The following PLCB4 variants were observed in gnomAD, a reference collection of about 807,000 sequenced individuals.
PLCB4 encodes the protein 1-phosphatidylinositol 4,5-bisphosphate phosphodiesterase beta-4.
Under a neutral mutation model 178.8 loss-of-function variants are expected in PLCB4, and 77 were observed. The observed-to-expected ratio is 0.43, with a 90% confidence interval of 0.36 to 0.52. The LOEUF (loss-of-function observed/expected upper bound fraction) is 0.52. PLCB4 is among the 20% of genes least tolerant of loss of function. The pLI, the probability that PLCB4 is intolerant of heterozygous loss-of-function variation, is 0.00. For missense variants in PLCB4, 1,024 were observed against 1,453.4 expected (o/e 0.70, Z 4.80); for synonymous variants, 496 against 490.8 (o/e 1.01, Z -0.14).
chr20:9,217,015 A>G (rs1239563012), intron 2 of PLCB4, among the ~76,000 whole-genome samples: 1 of 152,246 alleles, frequency 6.6e-6, no homozygotes, highest in Non-Finnish European at 1.5e-5. Context: ...AGTTTTTTCC[A>G]ATTACAGTTC....
chr20:9,441,892 A>G (rs1220855812), intron 30 of PLCB4, among the ~76,000 whole-genome samples: 1 of 148,916 alleles, frequency 6.7e-6, no homozygotes, highest in Non-Finnish European at 1.5e-5. Context: ...CCAAACAGCA[A>G]CAACTGCACC....
At chr20:9,132,732 ATTGCTT>A (rs1332450649) in intron 2 of PLCB4, among the ~76,000 whole-genome samples, 1 of 152,064 alleles carries the variant, frequency 6.6e-6, no homozygotes, top group Non-Finnish European at 1.5e-5. Flanking sequence ...TTGCAATCAG[ATTGCTT>A]TTTCTAAACG....
At chr20:9,335,124 G>A (rs1248441963) in intron 4 of PLCB4, among the ~76,000 whole-genome samples, 1 of 152,068 alleles carries the variant, frequency 6.6e-6, no homozygotes, top group Non-Finnish European at 1.5e-5. Flanking sequence ...TGTACACTGT[G>A]TACCAAAATT....
At chr20:9,108,609 T>C (rs1294439518) in intron 2 of PLCB4, among the ~76,000 whole-genome samples, 1 of 151,780 alleles carries the variant, frequency 6.6e-6, no homozygotes, top group Non-Finnish European at 1.5e-5. Context: ...TACTAATTAT[T>C]ATTAAGAATT....
At chr20:9,179,148 G>A (rs1363991448) in intron 2 of PLCB4, among the ~76,000 whole-genome samples, 1 of 152,160 alleles carries the variant, frequency 6.6e-6, no homozygotes, top group Non-Finnish European at 1.5e-5. Context: ...TATCACTGAA[G>A]GATTTTGAAT....
rs560862644 is a variant in PLCB4, at chr20:9,252,297, A to G, written c.-16+34845A>G. Among the ~76,000 whole-genome samples the G allele has an allele frequency of 2.1e-4, 32 of 152,388 alleles. 1 individual carries two copies. Among genetic ancestry groups the G allele is most frequent in the South Asian group, 1.0e-3 (5 of 4,826 alleles). ...CTACTCAAAGTGTGGTCCAAGGACCAGCAATGTCAGCATCATCTGCGAGCT... is the reference window on the plus strand; with the variant it reads ...CTACTCAAAGTGTGGTCCAAGGACCGGCAATGTCAGCATCATCTGCGAGCT... On this transcript the variant is annotated intron_variant, in intron 3 of 39. Coordinates refer to ENST00000378473, the MANE Select transcript of PLCB4 (RefSeq NM_001377142.1).
intron 25 of PLCB4, among the ~76,000 whole-genome samples, chr20:9,413,812 G>A (rs2148527401): frequency 6.6e-6 from 1 of 152,282 alleles, no homozygotes; most frequent in East Asian, 1.9e-4. Flanking sequence ...CCAGGCTCAA[G>A]TGCAGTGGTG....
chr20:9,299,396 A>G (rs530824221), intron 3 of PLCB4, among the ~76,000 whole-genome samples: 4 of 152,198 alleles, frequency 2.6e-5, no homozygotes, highest in East Asian at 1.9e-4. Context: ...TACATCAGCT[A>G]GCTGTAACTA....
intron 14 of PLCB4, 113 bp from the exon 15 acceptor site, chr20:9,387,350 T>G: frequency 3.4e-6 from 2 of 581,998 alleles, no homozygotes; most frequent in Non-Finnish European, 6.1e-6. Context: ...TTACTTAATT[T>G]ATTCAATTTT....
chr20:9,151,787 G>A (rs2092696533), intron 2 of PLCB4, among the ~76,000 whole-genome samples: 3 of 152,180 alleles, frequency 2.0e-5, no homozygotes, highest in African/African-American at 7.2e-5. Context: ...TGGGTAACAG[G>A]CAGAGATTGG....
At chr20:9,407,016 C>T (rs2039490882) in intron 21 of PLCB4, among the ~76,000 whole-genome samples, 1 of 151,976 alleles carries the variant, frequency 6.6e-6, no homozygotes, top group Non-Finnish European at 1.5e-5. Flanking sequence ...TTCAATATGT[C>T]CTATGCAGCA....
intron 2 of PLCB4, among the ~76,000 whole-genome samples, chr20:9,132,686 G>A (rs947839130): frequency 6.6e-5 from 10 of 152,070 alleles, no homozygotes; most frequent in East Asian, 3.9e-4. Context: ...TGGATTTATC[G>A]TTTGCGATGC....
chr20:9,159,315 A>G (rs888371841), intron 2 of PLCB4, among the ~76,000 whole-genome samples: 5 of 152,208 alleles, frequency 3.3e-5, no homozygotes, highest in African/African-American at 1.2e-4. Context: ...TTTCTCAAGT[A>G]CATGTTGGAG....
rs778730272 is a variant in PLCB4 at position 9,419,855 on chromosome 20, C to G, written c.2100C>G (p.Asp700Glu). Reference protein sequence around the residue: ...DFMRRPDRTFDPFSETPVDGV... With the variant: ...DFMRRPDRTFEPFSETPVDGV... ...TGAGGCGGCCTGATCGAACATTTGA[C>G]CCCTTCTCTGAAACTCCTGTTGATG... Residue 700 changes from aspartate to glutamate, a missense_variant, in exon 26 of 40, where the codon GAC becomes GAG. Coordinates refer to ENST00000378473, the MANE Select transcript of PLCB4 (RefSeq NM_001377142.1). The G allele has an allele frequency of 1.5e-5, 24 of 1,614,098 alleles. No homozygotes were observed. The highest frequency in any genetic ancestry group is 2.0e-5 in the Non-Finnish European group (24 of 1,179,944).
At chr20:9,124,022 T>C (rs981075481) in intron 2 of PLCB4, among the ~76,000 whole-genome samples, 5 of 152,106 alleles carry the variant, frequency 3.3e-5, no homozygotes, top group African/African-American at 1.2e-4. Flanking sequence ...TATGCTGAAT[T>C]TTGAATTTCA....
intron 3 of PLCB4, among the ~76,000 whole-genome samples, chr20:9,272,256 A>G (rs540226686): frequency 6.6e-6 from 1 of 152,246 alleles, no homozygotes; most frequent in Non-Finnish European, 1.5e-5. Flanking sequence ...ATTTCTTAAT[A>G]CAGAACTTTG....
At chr20:9,428,756 A>G (rs540713709) in intron 28 of PLCB4, among the ~76,000 whole-genome samples, 1 of 151,804 alleles carries the variant, frequency 6.6e-6, no homozygotes, top group East Asian at 2.0e-4. Context: ...AGGAGTGAGC[A>G]CATAGGGGTG....
chr20:9,372,624 G>A (rs2036347923), intron 11 of PLCB4, among the ~76,000 whole-genome samples: 1 of 151,380 alleles, frequency 6.6e-6, no homozygotes, highest in Non-Finnish European at 1.5e-5. Flanking sequence ...ACTTTTTTTT[G>A]CATTGGCTTT....
chr20:9,090,796 A>G (rs930565384), intron 1 of PLCB4, among the ~76,000 whole-genome samples: 25 of 152,270 alleles, frequency 1.6e-4, no homozygotes, highest in African/African-American at 6.0e-4. Flanking sequence ...GTTTCTTTGG[A>G]GTCATCACAG....
Sources: allele counts gnomAD v4.1 joint callset (sites outside exome capture counted in the v4.1 genomes callset), GRCh38; gene constraint gnomAD v4.1.1; transcripts MANE v1.5; gene names NCBI Gene and HGNC (gene_info 2026-07-23, HGNC 2026-07-21).